Variants in LRRK1 observed in about 807,000 individuals in gnomAD.
LRRK1 encodes leucine rich repeat kinase 1, also known as leucine-rich repeat serine/threonine-protein kinase 1.
LRRK1 carries 113 observed loss-of-function variants against 209.1 expected under a neutral mutation model. That is an observed-to-expected ratio of 0.54 (90% confidence interval 0.46 to 0.63). The LOEUF (loss-of-function observed/expected upper bound fraction) is 0.63, where lower values mean the gene tolerates loss of function less well. LRRK1 is among the 30% of genes least tolerant of loss of function. LRRK1 has a pLI of 0.00. For synonymous variants in LRRK1, 1,144 were observed against 1,099.7 expected, an observed-to-expected ratio of 1.04 and a Z score of -0.80; for missense variants, 2,284 against 2,632.2, an observed-to-expected ratio of 0.87 and a Z score of 2.89.
intron 2 of LRRK1, among the ~76,000 whole-genome samples, chr15:100,945,984 G>A (rs1311063033): frequency 6.6e-6 from 1 of 152,080 alleles, no homozygotes; most frequent in Non-Finnish European, 1.5e-5. Flanking sequence ...GAAATACGCT[G>A]CTTTTTTCTC....
intron 4 of LRRK1, among the ~76,000 whole-genome samples, chr15:100,988,355 G>C (rs2031981687): frequency 6.6e-6 from 1 of 152,060 alleles, no homozygotes; most frequent in African/African-American, 2.4e-5. Context: ...GTGTCCACGT[G>C]CATTCAATGT....
intron 12 of LRRK1, 93 bp downstream of exon 12, chr15:101,015,495 G>A (rs965319519): frequency 2.1e-6 from 2 of 932,442 alleles, no homozygotes; most frequent in Non-Finnish European, 3.4e-6. Flanking sequence ...CTTATCTTGG[G>A]CCTTCCCCTT....
At chr15:100,946,015 T>G (rs59065642) in intron 2 of LRRK1, among the ~76,000 whole-genome samples, 3,653 of 152,286 alleles carry the variant, frequency 0.024, 139 homozygotes, top group African/African-American at 0.084. Context: ...AATGAATATG[T>G]TAAATATAAA....
In LRRK1 at chr15:101,052,775, A is replaced by C. The variant is rs2035535255; in HGVS notation, c.3690-147A>C. Reference sequence around the variant, plus strand: ...ACCTACCCAGGTGTGCTCACCCACAAGTGGCAGGGCCGGGGTGGCCCAGAT... The same window carrying C: ...ACCTACCCAGGTGTGCTCACCCACACGTGGCAGGGCCGGGGTGGCCCAGAT... On this transcript the variant is annotated intron_variant, in intron 24 of 33. Coordinates refer to ENST00000388948, the MANE Select transcript of LRRK1 (RefSeq NM_024652.6). 1.3e-5 allele frequency: 12 copies of C among 897,344 alleles called. No homozygotes were observed. The South Asian group carries it at 1.8e-4, about 13-fold the overall frequency. 55.6% of individuals were successfully genotyped at this position (897,344 alleles called of 1,614,324 possible).
intron 26 of LRRK1, among the ~76,000 whole-genome samples, chr15:101,053,948 C>T (rs1466241901): frequency 6.6e-6 from 1 of 152,206 alleles, no homozygotes. Context: ...TCAATCACTT[C>T]TGCCTCAATG....
intron 3 of LRRK1, among the ~76,000 whole-genome samples, chr15:100,979,901 C>G (rs999535256): frequency 3.9e-5 from 6 of 152,060 alleles, no homozygotes; most frequent in African/African-American, 1.4e-4. Context: ...GCTTTATGAA[C>G]AGCAAAAATA....
Position 101,021,858 on chromosome 15 carries a change from C to T in LRRK1, c.1753C>T (p.Arg585Trp), listed in dbSNP as rs768546791. 171 of 1,613,448 alleles carry T rather than the reference C, an allele frequency of 1.1e-4. 1 individual carries two copies. In the South Asian group the frequency reaches 1.3e-3, roughly 12 times the overall value. ...ELYLGNNPGLRELPPELGQLG... is the reference protein window; with the variant it reads ...ELYLGNNPGLWELPPELGQLG... ...ATCTGTCTTCAGCAACCCTGGCCTCCGGGAGCTCCCTCCTGAGCTGGGGCA... is the reference window on the plus strand; with the variant it reads ...ATCTGTCTTCAGCAACCCTGGCCTCTGGGAGCTCCCTCCTGAGCTGGGGCA... The change falls in exon 14 of 34, where the codon CGG becomes TGG. Residue 585 changes from arginine to tryptophan, a missense_variant. By Grantham distance (101) the Arg-to-Trp change is moderately radical. Coordinates refer to ENST00000388948, the MANE Select transcript of LRRK1 (RefSeq NM_024652.6).
intron 2 of LRRK1, among the ~76,000 whole-genome samples, chr15:100,968,664 C>T (rs1351950022): frequency 6.9e-6 from 1 of 144,988 alleles, no homozygotes; most frequent in Non-Finnish European, 1.5e-5. Flanking sequence ...TTCTTTCTTT[C>T]TTTCTTTTTC....
intron 29 of LRRK1, among the ~76,000 whole-genome samples, chr15:101,060,064 G>GACCTGTGAAGGTTCTTTAAAACTCA (rs1219575207): frequency 2.0e-5 from 3 of 152,162 alleles, no homozygotes; most frequent in African/African-American, 7.2e-5. Context: ...CTCTTCCTGT[G>GACCTGTGAAGGTTCTTTAAAACTCA]ACCTGTGAAG....
chr15:101,066,250 C>T lies in LRRK1; in HGVS notation c.5768+45C>T, dbSNP rs747827481. ...GGCACCATCCAGGGCACGCCCACTGCTCCTGCTCTGGGGACAGAGCAAGGG... is the reference window on the plus strand; with the variant it reads ...GGCACCATCCAGGGCACGCCCACTGTTCCTGCTCTGGGGACAGAGCAAGGG... On this transcript the variant is annotated intron_variant, in intron 32 of 33. Coordinates refer to ENST00000388948, the MANE Select transcript of LRRK1 (RefSeq NM_024652.6). 2.6e-6 allele frequency: 4 copies of T among 1,558,472 alleles called. No homozygotes were observed. In the Admixed American group the frequency reaches 7.0e-5, roughly 27 times the overall value.
rs567361467 is a variant in LRRK1 at position 100,984,598 on chromosome 15, C to A, written c.433+899C>A. ...TCCCACAGTCTGTAGCCGTTTCAAA[C>A]TCACTTCTTTCCCATAGCGATATGC... On this transcript the variant is annotated intron_variant, in intron 4 of 33. Transcript: ENST00000388948. 2.0e-4 allele frequency among the ~76,000 whole-genome samples: 31 copies of A among 151,574 alleles called. No homozygotes were observed. The South Asian group carries it at 6.3e-3, about 31-fold the overall frequency.
chr15:101,065,503 A>G lies in LRRK1; in HGVS notation c.5066A>G (p.Asn1689Ser). Residue 1689 changes from asparagine to serine, a missense_variant, in exon 32 of 34, where the codon AAC becomes AGC. By Grantham distance (46) the Asn-to-Ser change is conservative. Around this residue, in one of 6 missense-constraint regions of LRRK1, gnomAD observed 643 missense variants for 695.9 expected, o/e 0.92. Transcript: ENST00000388948. ...ATCGCGGATGAAGACGCACGGCAGA[A>G]CCCCTACCCAGTGAAGGCCATGGAG... is the stretch of plus-strand genomic sequence containing the variant. ...FSIADEDARQ[N>S]PYPVKAMEVV... 1 of 1,614,068 alleles carries G rather than the reference A, an allele frequency of 6.2e-7. No homozygotes were observed. The highest frequency in any genetic ancestry group is 8.5e-7 in the Non-Finnish European group (1 of 1,180,026).
chr15:101,001,936 G>A (rs544395481), intron 6 of LRRK1, among the ~76,000 whole-genome samples: 5 of 152,084 alleles, frequency 3.3e-5, no homozygotes, highest in Non-Finnish European at 5.9e-5. Flanking sequence ...ACGTCACTCC[G>A]GCAAGGCTGC....
intron 23 of LRRK1, 90 bp downstream of exon 23, chr15:101,049,873 TC>T: frequency 7.1e-7 from 1 of 1,408,556 alleles, no homozygotes; most frequent in Non-Finnish European, 9.5e-7. Flanking sequence ...TGGACAAAAA[TC>T]CCACTGGGAT....
At chr15:101,062,273 G>C (rs1217791720) in intron 30 of LRRK1, 1 of 296,994 alleles carries the variant, frequency 3.4e-6, no homozygotes, top group Non-Finnish European at 6.4e-6. Context: ...CCAGTACCAG[G>C]TGCACACACA....
Position 101,065,422 on chromosome 15 carries a change from CA to C in LRRK1, c.4988del (p.Lys1663ArgfsTer31). On this transcript the variant is annotated frameshift_variant, in exon 32 of 34. Coordinates refer to ENST00000388948, the MANE Select transcript of LRRK1 (RefSeq NM_024652.6). LOFTEE classifies it high-confidence loss of function. ...GTGTTTCCCGTGGTGCGGGGCACCC[CA>C]AAGGACAGCTGCTCCTACCTGTGCT... is the stretch of plus-strand genomic sequence containing the variant. ...VAVFPVVRGT[P>X]KDSCSYLCSH... The C allele has an allele frequency of 6.2e-7, 1 of 1,614,162 alleles. No individual in the cohort carries two copies. The highest frequency in any genetic ancestry group is 8.5e-7 in the Non-Finnish European group (1 of 1,180,046).
At chr15:100,935,511 T>C (rs2042285113) in intron 2 of LRRK1, among the ~76,000 whole-genome samples, 1 of 151,444 alleles carries the variant, frequency 6.6e-6, no homozygotes, top group Non-Finnish European at 1.5e-5. Flanking sequence ...ACAGCAGGAG[T>C]GTAGATTTTG....
chr15:101,027,669 C>T lies in LRRK1; in HGVS notation c.2558C>T (p.Ala853Val). The change falls in exon 19 of 34, where the codon GCC becomes GTC. Residue 853 changes from alanine to valine, a missense_variant. Physicochemically the swap from Ala to Val is moderately conservative, Grantham distance 64. Coordinates refer to ENST00000388948, the MANE Select transcript of LRRK1 (RefSeq NM_024652.6). This position sits in a 1 kb window ranked among gnomAD's most constrained non-coding sequence, Gnocchi z 5.1. ...IPRSYLSLQE[A>V]VLAEQQRRSR... ...AGGAGCTACCTGAGCCTGCAGGAGG[C>T]CGTGCTGGCAGAGCAGCAGCGCCGC... 1 of 1,612,918 alleles carries T rather than the reference C, an allele frequency of 6.2e-7. No homozygotes were observed.
intron 2 of LRRK1, among the ~76,000 whole-genome samples, chr15:100,971,235 G>C (rs191129361): frequency 7.7e-4 from 117 of 151,662 alleles, no homozygotes; most frequent in African/African-American, 2.8e-3. Context: ...TCAGGAGGTT[G>C]AGGCATGAGA....
Sources: allele counts gnomAD v4.1 joint callset (sites outside exome capture counted in the v4.1 genomes callset), GRCh38; gene constraint gnomAD v4.1.1; regional missense constraint gnomAD v4.1.1; non-coding constraint Gnocchi (gnomAD v3.1); transcripts MANE v1.5; gene names NCBI Gene and HGNC (gene_info 2026-07-23, HGNC 2026-07-21).